CAMK2G: variants seen among roughly 807,000 people sequenced by gnomAD.
The protein encoded by CAMK2G is calcium/calmodulin-dependent protein kinase type II subunit gamma.
CAMK2G carries 23 observed loss-of-function variants against 88.7 expected under a neutral mutation model. The ratio of observed to expected loss-of-function variants is 0.26; its 90% CI spans 0.19 to 0.37. The LOEUF is 0.37. Among genes scored for constraint, CAMK2G ranks in the 10% least tolerant of loss-of-function variants. CAMK2G has a pLI of 1.00. For synonymous variants in CAMK2G, 263 were observed against 294.8 expected (o/e 0.89, Z 1.11); for missense variants, 476 against 780.8 (o/e 0.61, Z 4.65).
At chr10:73,844,609 A>C (rs1328772227) in intron 10 of CAMK2G, among the ~76,000 whole-genome samples, 1 of 151,474 alleles carries the variant, frequency 6.6e-6, no homozygotes, top group Non-Finnish European at 1.5e-5. Context: ...GAGTTTCACT[A>C]TGTTGGCCAG....
At chr10:73,833,600 C>CTT (rs60516273) in intron 14 of CAMK2G, among the ~76,000 whole-genome samples, 2,396 of 143,866 alleles carry the variant, frequency 0.017, 43 homozygotes, top group Non-Finnish European at 0.022. Flanking sequence ...ATCTATCTTC[C>CTT]TTTTTTTTTT....
intron 12 of CAMK2G, among the ~76,000 whole-genome samples, chr10:73,840,169 G>A (rs1374895256): frequency 4.0e-5 from 6 of 149,530 alleles, no homozygotes; most frequent in Non-Finnish European, 7.4e-5. Flanking sequence ...AGAGACACAG[G>A]TCCCTGTCTT....
chr10:73,865,319 GA>G (rs1257971857), intron 2 of CAMK2G, among the ~76,000 whole-genome samples: 9 of 152,228 alleles, frequency 5.9e-5, no homozygotes, highest in African/African-American at 2.2e-4. Context: ...TCCTCAGAGA[GA>G]GGGGAACGCC....
Position 73,813,275 on chromosome 10 carries a change from T to C in CAMK2G, c.*1243A>G, listed in dbSNP as rs773773016. 6.5e-6 allele frequency: 1 copy of C among 152,688 alleles called. No individual in the cohort carries two copies. The highest frequency in any genetic ancestry group is 1.5e-5 in the Non-Finnish European group (1 of 68,070). 9.5% of individuals were successfully genotyped at this position (152,688 alleles called of 1,614,324 possible). A position where few individuals can be genotyped will look rare whatever the true frequency, so the allele number is the denominator to read the frequency against. ...TACATGCGGGGAGGGGTGATGCCCA[T>C]GCAGATTGTCCAGCAGTAAGTCTAT... is the stretch of plus-strand genomic sequence containing the variant. On this transcript the variant is annotated 3_prime_UTR_variant, in exon 23 of 23. Coordinates refer to ENST00000423381, the MANE Select transcript of CAMK2G (RefSeq NM_001367534.1).
At chr10:73,873,944 G>C (rs931350529) in intron 1 of CAMK2G, among the ~76,000 whole-genome samples, 3 of 150,252 alleles carry the variant, frequency 2.0e-5, no homozygotes, top group Non-Finnish European at 4.5e-5. Context: ...CACCCGCGGG[G>C]GGCGGGGCCG....
chr10:73,831,253 C>T (rs1158158321), intron 14 of CAMK2G, among the ~76,000 whole-genome samples: 2 of 152,014 alleles, frequency 1.3e-5, no homozygotes, highest in Non-Finnish European at 2.9e-5. Context: ...TTAAAAAATG[C>T]AATTGGCCGG....
intron 18 of CAMK2G, among the ~76,000 whole-genome samples, chr10:73,820,271 C>A (rs2087457467): frequency 6.6e-6 from 1 of 151,554 alleles, no homozygotes; most frequent in Non-Finnish European, 1.5e-5. Context: ...TCCAGCCTGC[C>A]ATGCCCTCCC....
intron 13 of CAMK2G, among the ~76,000 whole-genome samples, chr10:73,838,734 C>T (rs960406040): frequency 1.5e-4 from 23 of 152,132 alleles, no homozygotes; most frequent in Admixed American, 1.4e-3. Flanking sequence ...TGTGCCTGAC[C>T]GCCTACTGTC....
chr10:73,815,063 G>A lies in CAMK2G; in HGVS notation c.1719C>T (p.Leu573=). The A allele has an allele frequency of 6.2e-7, 1 of 1,614,156 alleles. No homozygotes were observed. Among genetic ancestry groups the A allele is most frequent in the Non-Finnish European group, 8.5e-7 (1 of 1,180,020 alleles). The change falls in exon 22 of 23, where the codon CTC becomes CTT. Residue 573 remains leucine, a synonymous_variant. Coordinates refer to ENST00000423381, the MANE Select transcript of CAMK2G (RefSeq NM_001367534.1). ...RVWHRRDGKW[L]NVHYHCSGAP... ...CCCCTGAGCAGTGATAGTGGACATT[G>A]AGCCACTTGCCATCCCGACGGTGCC... is the stretch of plus-strand genomic sequence containing the variant.
chr10:73,816,911 C>T (rs770283839), intron 21 of CAMK2G, 112 bp downstream of exon 21: 61 of 1,610,128 alleles, frequency 3.8e-5, no homozygotes, highest in South Asian at 2.8e-4. Flanking sequence ...GAGTGCAGCA[C>T]GAAGGTCAAA....
intron 14 of CAMK2G, chr10:73,837,196 A>G: frequency 2.1e-6 from 1 of 481,754 alleles, no homozygotes; most frequent in Admixed American, 3.2e-5. Flanking sequence ...GCATCCGTGT[A>G]GAAGTCAGGT....
chr10:73,837,174 C>A, intron 14 of CAMK2G: 1 of 404,790 alleles, frequency 2.5e-6, no homozygotes, highest in South Asian at 3.9e-5. Context: ...AGAGTCAAGC[C>A]CTGGAGATGA....
chr10:73,869,333 C>T (rs2135893879), intron 2 of CAMK2G, among the ~76,000 whole-genome samples: 1 of 152,296 alleles, frequency 6.6e-6, no homozygotes, highest in Non-Finnish European at 1.5e-5. Flanking sequence ...CCCTATAGTG[C>T]CATTTAGTGA....
At chr10:73,863,445 C>A (rs2095467010) in intron 2 of CAMK2G, among the ~76,000 whole-genome samples, 1 of 152,216 alleles carries the variant, frequency 6.6e-6, no homozygotes, top group Admixed American at 6.5e-5. Flanking sequence ...TGACATGACC[C>A]CACCTTCCTT....
At position 73,847,221 on chromosome 10, in the gene CAMK2G, T is replaced by G; in HGVS notation, c.819+4A>C. ...GCTCCTTGGCCACTAGCAAAGACAC[T>G]TACACAGACCCACGGGTGCTTGAGA... On this transcript the variant is annotated splice_donor_region_variant and intron_variant, in intron 10 of 22. Transcript: ENST00000423381. 1 of 1,614,182 alleles carries G rather than the reference T, an allele frequency of 6.2e-7. No homozygotes were observed. The highest frequency in any genetic ancestry group is 8.5e-7 in the Non-Finnish European group (1 of 1,180,000).
In CAMK2G at chr10:73,873,097, G is replaced by C; in HGVS notation, c.66-14C>G. Reference sequence around the variant, plus strand: ...GAGAAAGCACCCCTGGAGGGAGAAGGGGAAAAGAACTGGGACACGGAGCAG... The same window carrying C: ...GAGAAAGCACCCCTGGAGGGAGAAGCGGAAAAGAACTGGGACACGGAGCAG... On this transcript the variant is annotated splice_polypyrimidine_tract_variant and intron_variant, in intron 1 of 22. Transcript: ENST00000423381. 1 of 1,578,436 alleles carries C rather than the reference G, an allele frequency of 6.3e-7. No homozygotes were observed. The highest frequency in any genetic ancestry group is 1.1e-5 in the South Asian group (1 of 90,426).
At chr10:73,829,158 T>C (rs1277507216) in intron 14 of CAMK2G, among the ~76,000 whole-genome samples, 1 of 152,224 alleles carries the variant, frequency 6.6e-6, no homozygotes, top group Non-Finnish European at 1.5e-5. Context: ...GGGATTATTA[T>C]TATAATCAAC....
intron 13 of CAMK2G, among the ~76,000 whole-genome samples, chr10:73,838,783 T>G (rs1417004833): frequency 6.6e-6 from 1 of 152,192 alleles, no homozygotes; most frequent in East Asian, 1.9e-4. Flanking sequence ...TCAACGCTGG[T>G]TGCCCACTAG....
rs993693068 is a variant in CAMK2G at position 73,839,652 on chromosome 10, C to A, written c.947-51G>T. ...ACAGAGCCCCGCAAAGCCACGGGGC[C>A]GTCAGCAGCGAGCATGCCCCAGCGC... On this transcript the variant is annotated intron_variant, in intron 12 of 22. Coordinates refer to ENST00000423381, the MANE Select transcript of CAMK2G (RefSeq NM_001367534.1). This position sits in a 1 kb window ranked among gnomAD's most constrained non-coding sequence, Gnocchi z 4.2. 1 of 1,104,640 alleles carries A rather than the reference C, an allele frequency of 9.1e-7. No individual in the cohort carries two copies. Among genetic ancestry groups the A allele is most frequent in the Non-Finnish European group, 1.1e-6 (1 of 870,834 alleles). The allele number at this position is 1,104,640 out of a possible 1,614,324, so 68.4% of individuals were successfully genotyped here.
Sources: gnomAD v4.1 joint callset for allele counts (sites outside exome capture counted in the v4.1 genomes callset) on GRCh38, gnomAD v4.1.1 for gene constraint, Gnocchi (gnomAD v3.1) non-coding constraint, MANE v1.5 for transcripts, NCBI Gene and HGNC (gene_info 2026-07-23, HGNC 2026-07-21) for gene names.